Variants in TCF7L2 observed in about 807,000 individuals in gnomAD.
TCF7L2 encodes the protein transcription factor 7-like 2.
TCF7L2 carries 23 observed loss-of-function variants against 77.9 expected under a neutral mutation model. The observed-to-expected ratio is 0.30, with a 90% CI of 0.21 to 0.42. The LOEUF (loss-of-function observed/expected upper bound fraction) is 0.42, where lower values mean the gene tolerates loss of function less well. Among genes scored for constraint, TCF7L2 ranks in the 10% least tolerant of loss-of-function variants. TCF7L2 has a pLI of 1.00. For missense variants in TCF7L2, 654 were observed against 793.1 expected, an observed-to-expected ratio of 0.82 and a Z score of 2.11; for synonymous variants, 413 against 340.2, an observed-to-expected ratio of 1.21 and a Z score of -2.36.
At chr10:112,951,144 C>T in intron 1 of TCF7L2, 63 bp from the exon 2 acceptor site, 2 of 1,428,380 alleles carry the variant, frequency 1.4e-6, no homozygotes, top group South Asian at 1.3e-5. Context: ...CTTTTTCTCC[C>T]CCTTCTCCCC....
At chr10:113,157,108 T>G (rs2072079913) in intron 11 of TCF7L2, among the ~76,000 whole-genome samples, 2 of 152,142 alleles carry the variant, frequency 1.3e-5, no homozygotes, top group South Asian at 2.1e-4. Context: ...AGCAGGTTTT[T>G]TTTGTTTGTT....
chr10:113,071,809 C>T (rs967689953), intron 5 of TCF7L2, among the ~76,000 whole-genome samples: 5 of 152,184 alleles, frequency 3.3e-5, no homozygotes, highest in African/African-American at 1.2e-4. Flanking sequence ...CAGACACTAT[C>T]AGGCAGGTCA....
chr10:113,118,934 G>A (rs1230615376), intron 5 of TCF7L2, among the ~76,000 whole-genome samples: 7 of 152,084 alleles, frequency 4.6e-5, no homozygotes, highest in Admixed American at 1.3e-4. Context: ...TGTAATGAAC[G>A]CATTCAGAAC....
chr10:112,981,757 G>A (rs1387442975), intron 4 of TCF7L2, among the ~76,000 whole-genome samples: 6 of 152,110 alleles, frequency 3.9e-5, no homozygotes, highest in Non-Finnish European at 7.3e-5. Flanking sequence ...CGTTTCTTTC[G>A]CCCTGAGAGT....
intron 4 of TCF7L2, among the ~76,000 whole-genome samples, chr10:113,011,523 C>T (rs556139361): frequency 6.6e-6 from 1 of 152,330 alleles, no homozygotes; most frequent in African/African-American, 2.4e-5. Flanking sequence ...GCTGCTACTA[C>T]CGTGAGTATT....
intron 5 of TCF7L2, among the ~76,000 whole-genome samples, chr10:113,122,093 C>A (rs1438483915): frequency 3.9e-5 from 6 of 152,210 alleles, no homozygotes; most frequent in Non-Finnish European, 8.8e-5. Context: ...AAGAATCAAA[C>A]CTCTTGGCAA....
intron 4 of TCF7L2, among the ~76,000 whole-genome samples, chr10:112,995,840 T>G (rs564454951): frequency 6.6e-6 from 1 of 152,172 alleles, no homozygotes; most frequent in African/African-American, 2.4e-5. Context: ...CCATCCCTGA[T>G]GAGGGTAGGG....
chr10:113,025,387 T>A (rs1280042360), intron 4 of TCF7L2, among the ~76,000 whole-genome samples: 1 of 152,004 alleles, frequency 6.6e-6, no homozygotes, highest in Non-Finnish European at 1.5e-5. Flanking sequence ...TATAGGCGTG[T>A]GCCACCACTT....
intron 5 of TCF7L2, among the ~76,000 whole-genome samples, chr10:113,117,894 G>A (rs2064088968): frequency 6.6e-6 from 1 of 152,222 alleles, no homozygotes; most frequent in Non-Finnish European, 1.5e-5. Flanking sequence ...GGCAGGCACC[G>A]AAGTTGCGTC....
At chr10:113,118,520 G>GTGTGTGTGTGTGT (rs1555084612) in intron 5 of TCF7L2, among the ~76,000 whole-genome samples, 6,234 of 141,354 alleles carry the variant, frequency 0.044, 180 homozygotes, top group East Asian at 0.14. Flanking sequence ...TCATCTGGGG[G>GTGTGTGTGTGTGT]GTGTGTGTGT....
intron 5 of TCF7L2, among the ~76,000 whole-genome samples, chr10:113,130,523 G>A (rs186687210): frequency 5.3e-5 from 8 of 152,214 alleles, no homozygotes; most frequent in Admixed American, 1.3e-4. Flanking sequence ...CTGTTGCTCC[G>A]TCTTTAGTTG....
chr10:113,098,503 G>A (rs1245011745), intron 5 of TCF7L2, among the ~76,000 whole-genome samples: 3 of 152,076 alleles, frequency 2.0e-5, no homozygotes, highest in African/African-American at 7.2e-5. Flanking sequence ...TCAGGAGTTC[G>A]AGACCATCCT....
intron 4 of TCF7L2, among the ~76,000 whole-genome samples, chr10:113,010,685 C>T (rs1174989829): frequency 6.6e-6 from 1 of 152,130 alleles, no homozygotes; most frequent in African/African-American, 2.4e-5. Flanking sequence ...TTGTGGAGTA[C>T]GGTTGAGAAA....
intron 4 of TCF7L2, among the ~76,000 whole-genome samples, chr10:113,036,506 C>T (rs183210000): frequency 1.2e-3 from 178 of 152,096 alleles, no homozygotes; most frequent in Admixed American, 2.7e-3. Context: ...CCTTTCAGGC[C>T]ATTGGTGTTG....
Position 113,166,160 on chromosome 10 carries a change from T to A in TCF7L2, c.*188T>A. The A allele has an allele frequency of 2.0e-6, 1 of 498,694 alleles. No individual in the cohort carries two copies. The highest frequency in any genetic ancestry group is 3.2e-6 in the Non-Finnish European group (1 of 314,956). 30.9% of individuals were successfully genotyped at this position (498,694 alleles called of 1,614,324 possible). A position where few individuals can be genotyped will look rare whatever the true frequency, so the allele number is the denominator to read the frequency against. ...CCATTCTTATTTCAATTTCTCCTTT[T>A]AAATATGTAGATGAGAGAAGAACCT... On this transcript the variant is annotated 3_prime_UTR_variant, in exon 14 of 14. Coordinates refer to ENST00000627217, the MANE Select transcript of TCF7L2 (RefSeq NM_001146274.2).
intron 5 of TCF7L2, among the ~76,000 whole-genome samples, chr10:113,056,677 C>A (rs931461371): frequency 6.6e-6 from 1 of 152,208 alleles, no homozygotes; most frequent in South Asian, 2.1e-4. Flanking sequence ...ATTTCGAGTA[C>A]ACTGAGATTT....
intron 5 of TCF7L2, among the ~76,000 whole-genome samples, chr10:113,128,399 G>C (rs770729148): frequency 6.6e-6 from 1 of 152,032 alleles, no homozygotes; most frequent in Admixed American, 6.6e-5. Flanking sequence ...AACTTGTCCC[G>C]TGTCTTAACA....
chr10:112,961,809 G>C (rs720785), intron 3 of TCF7L2, among the ~76,000 whole-genome samples: 59,800 of 145,072 alleles, frequency 0.41, 16,511 homozygotes, highest in African/African-American at 0.79. Context: ...CGCTGGGCAC[G>C]TGAGGGAAGT....
chr10:113,015,733 C>G (rs2047229888), intron 4 of TCF7L2, among the ~76,000 whole-genome samples: 1 of 152,082 alleles, frequency 6.6e-6, no homozygotes, highest in Non-Finnish European at 1.5e-5. Flanking sequence ...GCCAAAGGTT[C>G]ACACCTTGGC....
Sources: gnomAD v4.1 joint callset for allele counts (sites outside exome capture counted in the v4.1 genomes callset) on GRCh38, gnomAD v4.1.1 for gene constraint, MANE v1.5 for transcripts, NCBI Gene and HGNC (gene_info 2026-07-23, HGNC 2026-07-21) for gene names.